UBE2G1: variants seen among roughly 807,000 people sequenced by gnomAD.
The protein encoded by UBE2G1 is ubiquitin conjugating enzyme E2 G1.
UBE2G1 carries 5 observed loss-of-function variants against 22.7 expected under a neutral mutation model. That is an observed-to-expected ratio of 0.22 (90% CI 0.12 to 0.46). The LOEUF (loss-of-function observed/expected upper bound fraction) is 0.46, where lower values mean the gene tolerates loss of function less well. Ranked by LOEUF, UBE2G1 falls within the 20% of genes least tolerant of loss-of-function variation. UBE2G1 has a pLI of 0.99. For missense variants in UBE2G1, 88 were observed against 203.9 expected, an observed-to-expected ratio of 0.43 and a Z score of 3.46; for synonymous variants, 74 against 67.5, an observed-to-expected ratio of 1.10 and a Z score of -0.47.
At position 4,270,190 on chromosome 17, in the gene UBE2G1, TA is replaced by T. The variant is rs1307008791; in HGVS notation, c.*2363del. ...AAACTAACTGCATTAAAGTGGCACTTAAAGTTCAAAAATAGTTGTCCCTGAG... is the reference window on the plus strand; with the variant it reads ...AAACTAACTGCATTAAAGTGGCACTTAAGTTCAAAAATAGTTGTCCCTGAG... On this transcript the variant is annotated 3_prime_UTR_variant, in exon 6 of 6. Coordinates refer to ENST00000396981, the MANE Select transcript of UBE2G1 (RefSeq NM_003342.5). 6.6e-6 allele frequency: 1 copy of T among 152,484 alleles called. No homozygotes were observed. The highest frequency in any genetic ancestry group is 1.9e-4 in the East Asian group (1 of 5,194). 9.4% of individuals were successfully genotyped at this position (152,484 alleles called of 1,614,324 possible). A position where few individuals can be genotyped will look rare whatever the true frequency, so the allele number is the denominator to read the frequency against.
Position 4,277,277 on chromosome 17 carries a change from G to T in UBE2G1, c.*38-4761C>A, listed in dbSNP as rs112788329. On this transcript the variant is annotated intron_variant, in intron 5 of 5. Transcript: ENST00000396981. Reference sequence around the variant, plus strand: ...TGACCACAGCCTTATGAGAGACCCGGAGTCAACCAAGCCACACCCAGATCC... The same window carrying T: ...TGACCACAGCCTTATGAGAGACCCGTAGTCAACCAAGCCACACCCAGATCC... Among the ~76,000 whole-genome samples, 177 of 152,274 alleles carry T rather than the reference G, an allele frequency of 1.2e-3. 1 individual carries two copies. The highest frequency in any genetic ancestry group is 4.0e-3 in the African/African-American group (168 of 41,554).
intron 1 of UBE2G1, among the ~76,000 whole-genome samples, chr17:4,349,639 T>G (rs548646656): frequency 8.6e-5 from 13 of 151,978 alleles, no homozygotes; most frequent in South Asian, 4.2e-4. Context: ...GTCAGGAGAT[T>G]GAGACCATCC....
At chr17:4,304,901 C>T (rs1969230143) in intron 2 of UBE2G1, among the ~76,000 whole-genome samples, 1 of 151,766 alleles carries the variant, frequency 6.6e-6, no homozygotes. Flanking sequence ...CTCCATTCCA[C>T]TGAAATAATT....
At chr17:4,351,030 C>CAAA in intron 1 of UBE2G1, among the ~76,000 whole-genome samples, 1 of 109,922 alleles carries the variant, frequency 9.1e-6, no homozygotes, top group Admixed American at 9.7e-5. Context: ...AAGACTTCGT[C>CAAA]AAAAAAAAAA....
chr17:4,340,132 G>A (rs1030557601), intron 1 of UBE2G1, among the ~76,000 whole-genome samples: 7 of 152,044 alleles, frequency 4.6e-5, no homozygotes, highest in African/African-American at 1.4e-4. Flanking sequence ...TGTTGCCCAG[G>A]CTGGTCTCAA....
Position 4,344,956 on chromosome 17 carries a change from T to G in UBE2G1, c.46+21315A>C, listed in dbSNP as rs555333533. ...TTCAGAAATTTCCCACAATTCAAAA[T>G]TCAAAAATGTTTATGTGGCTAAGAA... On this transcript the variant is annotated intron_variant, in intron 1 of 5. Transcript: ENST00000396981. Among the ~76,000 whole-genome samples the G allele has an allele frequency of 5.6e-4, 86 of 152,296 alleles. 2 individuals carry two copies. The South Asian group carries it at 0.018, about 32-fold the overall frequency.
intron 1 of UBE2G1, among the ~76,000 whole-genome samples, chr17:4,345,140 A>T (rs1218149534): frequency 2.6e-5 from 4 of 152,230 alleles, no homozygotes; most frequent in Admixed American, 6.5e-5. Flanking sequence ...GGGCAGCCAG[A>T]AATACAAGGA....
chr17:4,293,177 A>G (rs965298290), intron 3 of UBE2G1, among the ~76,000 whole-genome samples: 3 of 151,978 alleles, frequency 2.0e-5, no homozygotes, highest in Admixed American at 6.6e-5. Flanking sequence ...CCACTAACCT[A>G]CTTTCGGTCT....
chr17:4,353,460 T>TAC (rs1210270667), intron 1 of UBE2G1, among the ~76,000 whole-genome samples: 67 of 133,492 alleles, frequency 5.0e-4, no homozygotes, highest in Admixed American at 1.3e-3. Context: ...TATATATATA[T>TAC]ATACACACAC....
chr17:4,357,995 T>C (rs1378772939), intron 1 of UBE2G1, among the ~76,000 whole-genome samples: 1 of 151,868 alleles, frequency 6.6e-6, no homozygotes, highest in Non-Finnish European at 1.5e-5. Context: ...ACCCTGTCTC[T>C]TAAAAAAGAA....
chr17:4,321,066 T>C (rs1037782141), intron 1 of UBE2G1, among the ~76,000 whole-genome samples: 2 of 152,162 alleles, frequency 1.3e-5, no homozygotes, highest in Non-Finnish European at 2.9e-5. Context: ...GAAAATCTCT[T>C]GAGCCCAGGA....
At chr17:4,342,517 G>A (rs1969722995) in intron 1 of UBE2G1, among the ~76,000 whole-genome samples, 1 of 152,166 alleles carries the variant, frequency 6.6e-6, no homozygotes, top group Non-Finnish European at 1.5e-5. Flanking sequence ...AGGGGTTCGA[G>A]GCTGTGGTGA....
chr17:4,329,175 G>C (rs1373398352), intron 1 of UBE2G1, among the ~76,000 whole-genome samples: 2 of 148,808 alleles, frequency 1.3e-5, no homozygotes, highest in Non-Finnish European at 3.0e-5. Context: ...GAGGCAGGCG[G>C]ATTGCCTGAG....
intron 4 of UBE2G1, among the ~76,000 whole-genome samples, chr17:4,286,918 G>A (rs368684796): frequency 2.0e-4 from 30 of 152,000 alleles, no homozygotes; most frequent in East Asian, 5.8e-4. Context: ...GGTTCCGCAC[G>A]TCTGTAATAC....
chr17:4,366,392 G>C lies in UBE2G1; in HGVS notation c.-76C>G. 1.5e-6 allele frequency: 2 copies of C among 1,368,804 alleles called. No individual in the cohort carries two copies. The highest frequency in any genetic ancestry group is 1.9e-6 in the Non-Finnish European group (2 of 1,058,764). The allele number at this position is 1,368,804 out of a possible 1,614,324, so 84.8% of individuals were successfully genotyped here. On this transcript the variant is annotated 5_prime_UTR_variant, in exon 1 of 6. Coordinates refer to ENST00000396981, the MANE Select transcript of UBE2G1 (RefSeq NM_003342.5). ...ACAGGCTCTGGGGGCGGCTGGAGCG[G>C]GGTGTGCCGAGGAACCCGGGCCCCG...
chr17:4,341,807 C>T (rs1969716272), intron 1 of UBE2G1, among the ~76,000 whole-genome samples: 3 of 152,276 alleles, frequency 2.0e-5, no homozygotes, highest in Middle Eastern at 6.8e-3. Flanking sequence ...CCTTATCTTA[C>T]CCAAACTCTT....
intron 1 of UBE2G1, among the ~76,000 whole-genome samples, chr17:4,339,006 T>C (rs1969681144): frequency 6.6e-6 from 1 of 152,186 alleles, no homozygotes; most frequent in Non-Finnish European, 1.5e-5. Flanking sequence ...TCAGTCACAA[T>C]ACCATAGTAA....
intron 1 of UBE2G1, among the ~76,000 whole-genome samples, chr17:4,344,987 G>T (rs1969753178): frequency 6.6e-6 from 1 of 152,126 alleles, no homozygotes; most frequent in Non-Finnish European, 1.5e-5. Context: ...AAGAAATGAA[G>T]AATCAAACTT....
chr17:4,330,976 C>CCAAACACA (rs1969569282), intron 1 of UBE2G1, among the ~76,000 whole-genome samples: 1 of 143,576 alleles, frequency 7.0e-6, no homozygotes, highest in Admixed American at 6.9e-5. Flanking sequence ...ACCTTTAAAA[C>CCAAACACA]CACACACACA....
Sources: allele counts gnomAD v4.1 joint callset (sites outside exome capture counted in the v4.1 genomes callset), GRCh38; gene constraint gnomAD v4.1.1; transcripts MANE v1.5; gene names NCBI Gene and HGNC (gene_info 2026-07-23, HGNC 2026-07-21).